HMGCLL1: variants seen among roughly 807,000 people sequenced by gnomAD.
The protein encoded by HMGCLL1 is 3-hydroxy-3-methylglutaryl-CoA lyase like 1.
A neutral mutation model predicts 39.1 loss-of-function variants in HMGCLL1; 36 were observed. The ratio of observed to expected loss-of-function variants is 0.92; its 90% CI spans 0.71 to 1.22. The LOEUF is 1.22. Among genes scored for constraint, HMGCLL1 ranks in the 50% most tolerant of loss-of-function variants. The pLI is 0.00. For synonymous variants in HMGCLL1, 149 were observed against 144.0 expected (o/e 1.03, Z -0.25); for missense variants, 451 against 416.5 (o/e 1.08, Z -0.72).
At chr6:55,497,465 A>G (rs1487307901) in intron 6 of HMGCLL1, among the ~76,000 whole-genome samples, 1 of 152,158 alleles carries the variant, frequency 6.6e-6, no homozygotes, top group Non-Finnish European at 1.5e-5. Context: ...TTCAATACCT[A>G]TTTTATGGCA....
At chr6:55,532,292 A>C (rs1345519277) in intron 3 of HMGCLL1, among the ~76,000 whole-genome samples, 1 of 152,150 alleles carries the variant, frequency 6.6e-6, no homozygotes, top group Non-Finnish European at 1.5e-5. Context: ...TGCTTGAATT[A>C]TATGTTCTGC....
the HMGCLL1 span, among the ~76,000 whole-genome samples, chr6:55,653,974 G>A: frequency 2.0e-5 from 3 of 152,034 alleles, no homozygotes; most frequent in Non-Finnish European, 2.9e-5. Context: ...TTGAGATGGA[G>A]CACCCACGGA....
At chr6:55,522,891 A>G (rs1768108479) in intron 3 of HMGCLL1, among the ~76,000 whole-genome samples, 1 of 151,980 alleles carries the variant, frequency 6.6e-6, no homozygotes. Context: ...GGAAATATTA[A>G]AAGTTTAAGT....
At chr6:55,494,053 G>C (rs1280289804) in intron 7 of HMGCLL1, among the ~76,000 whole-genome samples, 1 of 151,976 alleles carries the variant, frequency 6.6e-6, no homozygotes, top group Non-Finnish European at 1.5e-5. Flanking sequence ...TCATTCTTTA[G>C]ATATGATTGC....
chr6:55,541,879 C>A (rs1581921817), intron 2 of HMGCLL1, 43 bp from the exon 3 acceptor site: 1 of 1,145,410 alleles, frequency 8.7e-7, no homozygotes, highest in East Asian at 2.4e-5. Context: ...TGTATAGGTC[C>A]TATTTAAGCA....
chr6:55,505,655 A>C (rs950063318), intron 5 of HMGCLL1, among the ~76,000 whole-genome samples: 1 of 151,666 alleles, frequency 6.6e-6, no homozygotes, highest in Non-Finnish European at 1.5e-5. Context: ...TGTATTAAAA[A>C]TACCTTCTGT....
chr6:55,655,056 A>G, the HMGCLL1 span, among the ~76,000 whole-genome samples: 28 of 152,030 alleles, frequency 1.8e-4, no homozygotes, highest in Admixed American at 1.1e-3. Context: ...TAGATTAGCC[A>G]TATTATAAAT....
the HMGCLL1 span, among the ~76,000 whole-genome samples, chr6:55,640,793 T>C: frequency 1.3e-5 from 2 of 151,700 alleles, no homozygotes; most frequent in Non-Finnish European, 2.9e-5. Flanking sequence ...TAGTGTAATA[T>C]TTTAAAATTT....
At chr6:55,646,403 A>T in the HMGCLL1 span, among the ~76,000 whole-genome samples, 1 of 150,434 alleles carries the variant, frequency 6.6e-6, no homozygotes, top group East Asian at 2.0e-4. Flanking sequence ...TTATTGTCTG[A>T]TCTTTATTAT....
At chr6:55,477,638 T>A (rs1765528113) in intron 7 of HMGCLL1, among the ~76,000 whole-genome samples, 1 of 145,734 alleles carries the variant, frequency 6.9e-6, no homozygotes, top group Non-Finnish European at 1.5e-5. Context: ...AGTAAATATA[T>A]GAGTTACAGT....
At chr6:55,673,851 G>A in the HMGCLL1 span, among the ~76,000 whole-genome samples, 1 of 151,846 alleles carries the variant, frequency 6.6e-6, no homozygotes, top group Non-Finnish European at 1.5e-5. Flanking sequence ...TGACCCTAAT[G>A]TTATGGTCAG....
the HMGCLL1 span, among the ~76,000 whole-genome samples, chr6:55,635,922 T>G: frequency 2.6e-5 from 4 of 152,290 alleles, no homozygotes; most frequent in South Asian, 8.3e-4. Flanking sequence ...GAAGCTGCTC[T>G]GGGAACCCAG....
the HMGCLL1 span, among the ~76,000 whole-genome samples, chr6:55,602,453 G>T: frequency 6.6e-6 from 1 of 151,800 alleles, no homozygotes; most frequent in Non-Finnish European, 1.5e-5. Flanking sequence ...TTTCTTCTAT[G>T]ATTAGACACA....
chr6:55,490,748 G>A (rs1766266421), intron 7 of HMGCLL1, among the ~76,000 whole-genome samples: 1 of 151,984 alleles, frequency 6.6e-6, no homozygotes, highest in Admixed American at 6.6e-5. Flanking sequence ...ATTACCTGTG[G>A]ATATCTAGAA....
chr6:55,627,134 G>A, the HMGCLL1 span, among the ~76,000 whole-genome samples: 1 of 151,330 alleles, frequency 6.6e-6, no homozygotes, highest in Admixed American at 6.6e-5. Context: ...GTAGAAGAAG[G>A]TAGTCATCAA....
the HMGCLL1 span, among the ~76,000 whole-genome samples, chr6:55,591,415 C>A: frequency 6.6e-6 from 1 of 151,878 alleles, no homozygotes; most frequent in Non-Finnish European, 1.5e-5. Flanking sequence ...TGCAGAGGGG[C>A]ACTTCATCTT....
the HMGCLL1 span, among the ~76,000 whole-genome samples, chr6:55,642,070 C>G: frequency 9.5e-6 from 1 of 104,888 alleles, no homozygotes; most frequent in Non-Finnish European, 1.9e-5. Context: ...CCCCCCACCC[C>G]ACCACAGTCC....
At chr6:55,546,788 T>C (rs1445703151) in intron 1 of HMGCLL1, among the ~76,000 whole-genome samples, 1 of 152,132 alleles carries the variant, frequency 6.6e-6, no homozygotes, top group African/African-American at 2.4e-5. Context: ...TAGCATTTAA[T>C]GTCCTACATT....
the HMGCLL1 span, among the ~76,000 whole-genome samples, chr6:55,630,504 G>A: frequency 6.6e-6 from 1 of 152,040 alleles, no homozygotes; most frequent in Non-Finnish European, 1.5e-5. Context: ...GATTTTGGGG[G>A]ACTGTTTGGA....
Sources: allele counts gnomAD v4.1 joint callset (sites outside exome capture counted in the v4.1 genomes callset), GRCh38; gene constraint gnomAD v4.1.1; transcripts MANE v1.5; gene names NCBI Gene and HGNC (gene_info 2026-07-23, HGNC 2026-07-21).